Variants in GLDC observed in about 807,000 individuals in gnomAD.
GLDC encodes glycine dehydrogenase (decarboxylating), mitochondrial.
Under a neutral mutation model 121.3 loss-of-function variants are expected in GLDC, and 104 were observed. That is an observed-to-expected ratio of 0.86 (90% CI 0.73 to 1.01). The LOEUF is 1.01. GLDC is among the 50% of genes least tolerant of loss of function. The probability of loss-of-function intolerance (pLI) is 0.00; values close to 1 mark genes in which losing one functional copy is unlikely to be tolerated. For synonymous variants in GLDC, 546 were observed against 480.6 expected (o/e 1.14, Z -1.78); for missense variants, 1,429 against 1,306.6 (o/e 1.09, Z -1.44).
chr9:6,573,501 T>TA (rs953869140), intron 15 of GLDC, among the ~76,000 whole-genome samples: 18 of 150,310 alleles, frequency 1.2e-4, no homozygotes, highest in East Asian at 8.3e-4. Context: ...TGTGATTTTT[T>TA]AAAAAAAAAT....
At chr9:6,611,357 A>G (rs62569045) in intron 3 of GLDC, among the ~76,000 whole-genome samples, 13,299 of 152,202 alleles carry the variant, frequency 0.087, 625 homozygotes, top group African/African-American at 0.1. Context: ...GGAGATCGAG[A>G]CCATCCTGGC....
chr9:6,591,671 G>A lies in GLDC; in HGVS notation c.1482+472C>T, dbSNP rs536581764. ...GCAATCTCAGCTCACTGCAACCGCC[G>A]CCTCCTGGGTTGAAGCAATTCTCCC... On this transcript the variant is annotated intron_variant, in intron 11 of 24. Coordinates refer to ENST00000321612, the MANE Select transcript of GLDC (RefSeq NM_000170.3). Among the ~76,000 whole-genome samples the A allele has an allele frequency of 3.3e-5, 5 of 152,160 alleles. No homozygotes were observed. In the South Asian group the frequency reaches 8.3e-4, roughly 25 times the overall value.
intron 15 of GLDC, 69 bp downstream of exon 15, chr9:6,587,072 C>CT (rs1473822205): frequency 5.3e-6 from 7 of 1,310,986 alleles, no homozygotes; most frequent in Non-Finnish European, 7.7e-6. Context: ...TGTTCTAAGC[C>CT]TTTAAGTTTT....
chr9:6,551,736 T>C (rs1817519102), intron 20 of GLDC, among the ~76,000 whole-genome samples: 1 of 151,418 alleles, frequency 6.6e-6, no homozygotes, highest in Non-Finnish European at 1.5e-5. Flanking sequence ...AAGGAGAAGG[T>C]ATACCAGGTG....
At chr9:6,625,864 G>C (rs2578273) in intron 2 of GLDC, among the ~76,000 whole-genome samples, 3 of 151,418 alleles carry the variant, frequency 2.0e-5, no homozygotes, top group Non-Finnish European at 4.4e-5. Flanking sequence ...CCAAAGGAAG[G>C]GGAAGAGTAG....
intron 15 of GLDC, among the ~76,000 whole-genome samples, chr9:6,578,743 G>A (rs1185102583): frequency 6.6e-6 from 1 of 151,998 alleles, no homozygotes. Flanking sequence ...ATGTTGCCCA[G>A]GCTAGTCTTG....
intron 3 of GLDC, among the ~76,000 whole-genome samples, chr9:6,614,177 A>G (rs1818922632): frequency 6.6e-6 from 1 of 152,158 alleles, no homozygotes; most frequent in Non-Finnish European, 1.5e-5. Flanking sequence ...CACTACAGTG[A>G]TTCACAGATA....
chr9:6,539,204 G>C (rs571401916), intron 22 of GLDC, among the ~76,000 whole-genome samples: 1 of 152,180 alleles, frequency 6.6e-6, no homozygotes, highest in East Asian at 1.9e-4. Context: ...TTGGCTGGGC[G>C]TGCTGGCTCA....
chr9:6,534,912 A>C, intron 23 of GLDC, 124 bp from the exon 24 acceptor site: 1 of 697,414 alleles, frequency 1.4e-6, no homozygotes, highest in Non-Finnish European at 2.7e-6. Flanking sequence ...TTTTCTTTCA[A>C]TTTAGGGGGG....
intron 7 of GLDC, among the ~76,000 whole-genome samples, chr9:6,603,508 G>A (rs1818661269): frequency 6.6e-6 from 1 of 151,204 alleles, no homozygotes; most frequent in African/African-American, 2.4e-5. Flanking sequence ...CTCCAGCCTG[G>A]GTGATGGAGT....
chr9:6,628,457 G>A (rs1172087605), intron 2 of GLDC, among the ~76,000 whole-genome samples: 1 of 152,150 alleles, frequency 6.6e-6, no homozygotes, highest in African/African-American at 2.4e-5. Flanking sequence ...ACTAACCAGG[G>A]GGGAAAGAGA....
chr9:6,619,176 A>T (rs1301372849), intron 3 of GLDC, among the ~76,000 whole-genome samples: 2 of 142,388 alleles, frequency 1.4e-5, no homozygotes, highest in East Asian at 2.1e-4. Flanking sequence ...AAAAAAAAAA[A>T]GAAGAAGTAG....
intron 22 of GLDC, 133 bp from the exon 23 acceptor site, chr9:6,536,369 G>C: frequency 1.2e-6 from 1 of 815,792 alleles, no homozygotes; most frequent in Non-Finnish European, 2.1e-6. Flanking sequence ...TATGTATGTG[G>C]GGACTCATCT....
chr9:6,624,464 G>C (rs1819189738), intron 2 of GLDC, among the ~76,000 whole-genome samples: 1 of 152,174 alleles, frequency 6.6e-6, no homozygotes, highest in Non-Finnish European at 1.5e-5. Flanking sequence ...AGGAACCTGG[G>C]AGAGAGGCAG....
At chr9:6,544,812 A>G (rs1311355649) in intron 21 of GLDC, among the ~76,000 whole-genome samples, 1 of 152,162 alleles carries the variant, frequency 6.6e-6, no homozygotes, top group Non-Finnish European at 1.5e-5. Flanking sequence ...TTTAAAATGT[A>G]TCAACTTGCC....
intron 17 of GLDC, chr9:6,557,589 G>A (rs7021944): frequency 0.54 from 80,124 of 149,334 alleles, 23,476 homozygotes; most frequent in African/African-American, 0.79. Flanking sequence ...GTGAGACTCC[G>A]TCTCAAAACA....
chr9:6,626,781 A>C (rs1454565194), intron 2 of GLDC, among the ~76,000 whole-genome samples: 1 of 152,198 alleles, frequency 6.6e-6, no homozygotes, highest in Non-Finnish European at 1.5e-5. Context: ...ACTACAGCCC[A>C]GTTCCCATCT....
chr9:6,595,961 A>G (rs1818487028), intron 8 of GLDC, among the ~76,000 whole-genome samples: 1 of 152,222 alleles, frequency 6.6e-6, no homozygotes, highest in African/African-American at 2.4e-5. Context: ...AAGTCAGCAA[A>G]CAAGGAAGTA....
At chr9:6,598,073 G>C (rs1397912755) in intron 8 of GLDC, among the ~76,000 whole-genome samples, 2 of 152,174 alleles carry the variant, frequency 1.3e-5, no homozygotes, top group Non-Finnish European at 2.9e-5. Context: ...CTGTCACCCA[G>C]GTTGGAGTGC....
Sources: allele counts gnomAD v4.1 joint callset (sites outside exome capture counted in the v4.1 genomes callset), GRCh38; gene constraint gnomAD v4.1.1; transcripts MANE v1.5; gene names NCBI Gene and HGNC (gene_info 2026-07-23, HGNC 2026-07-21).